The following URGCP variants were observed in gnomAD, a reference collection of about 807,000 sequenced individuals.
The protein encoded by URGCP is upregulator of cell proliferation.
In URGCP, 13 loss-of-function variants were observed where a neutral mutation model predicts 24.6. The ratio of observed to expected loss-of-function variants is 0.53; its 90% CI spans 0.34 to 0.84. The LOEUF (loss-of-function observed/expected upper bound fraction) is 0.84, where lower values mean the gene tolerates loss of function less well. Among genes scored for constraint, URGCP ranks in the 40% least tolerant of loss-of-function variants. The pLI, the probability that URGCP is intolerant of heterozygous loss-of-function variation, is 0.01. For synonymous variants in URGCP, 444 were observed against 487.2 expected (o/e 0.91, Z 1.17); for missense variants, 899 against 1,194.3 (o/e 0.75, Z 3.64).
rs2095846000 is a variant in URGCP, at chr7:43,877,184, G to GCCCCACCTATCAAGC, written c.2264_2278dup (p.Gly755_Gly759dup). The GCCCCACCTATCAAGC allele has an allele frequency of 6.2e-7, 1 of 1,614,156 alleles. No individual in the cohort carries two copies. The highest frequency in any genetic ancestry group is 1.1e-5 in the South Asian group (1 of 91,090). On this transcript the variant is annotated inframe_insertion, in exon 6 of 6. Transcript: ENST00000453200. ...AAATCTGTCCCCAGCTGACGTCAAG[G>GCCCCACCTATCAAGC]CCCCACCTATCAAGCCCCCGGAGTC...
chr7:43,910,846 A>G (rs1036586051), upstream of URGCP: 2 of 152,020 alleles, frequency 1.3e-5, no homozygotes, highest in African/African-American at 4.8e-5. Context: ...ACACAGCAAG[A>G]CTCTTTCTCA....
upstream of URGCP, chr7:43,926,600 T>C (rs761062910): frequency 6.5e-7 from 1 of 1,540,996 alleles, no homozygotes; most frequent in African/African-American, 1.4e-5. Flanking sequence ...GTCCGAAGCG[T>C]CGAGGTGTGG....
chr7:43,911,993 G>A (rs1214632114), intron 1 of URGCP, among the ~76,000 whole-genome samples: 1 of 151,440 alleles, frequency 6.6e-6, no homozygotes, highest in African/African-American at 2.4e-5. Flanking sequence ...AAAAACACAG[G>A]AAATTAGAAA....
intron 1 of URGCP, among the ~76,000 whole-genome samples, chr7:43,912,891 C>T (rs2095911488): frequency 6.6e-6 from 1 of 151,926 alleles, no homozygotes; most frequent in African/African-American, 2.4e-5. Flanking sequence ...CACTCTGTTG[C>T]CCAGGCTGGA....
In URGCP at chr7:43,877,846, C is replaced by T. The variant is rs753717943; in HGVS notation, c.1617G>A (p.Gln539=). 1.9e-6 allele frequency: 3 copies of T among 1,611,320 alleles called. No homozygotes were observed. The highest frequency in any genetic ancestry group is 2.7e-5 in the African/African-American group (2 of 74,876). The change falls in exon 6 of 6, where the codon CAG becomes CAA. Residue 539 remains glutamine, a synonymous_variant. Transcript: ENST00000453200. The part of the protein sequence containing the change: ...RRRLLELRMQ[Q]NGHDPSSGVQ... ...CCCCCGAGGAGGGATCATGGCCGTTCTGCTGCATTCGAAGTTCTAGCAGCC... is the reference window on the plus strand; with the variant it reads ...CCCCCGAGGAGGGATCATGGCCGTTTTGCTGCATTCGAAGTTCTAGCAGCC...
At chr7:43,901,581 G>C (rs1474941987) in intron 1 of URGCP, among the ~76,000 whole-genome samples, 1 of 152,188 alleles carries the variant, frequency 6.6e-6, no homozygotes, top group African/African-American at 2.4e-5. Flanking sequence ...GCAAGATAAG[G>C]GTCCTGCTGG....
intron 3 of URGCP, among the ~76,000 whole-genome samples, chr7:43,883,145 A>C (rs2095856465): frequency 6.6e-6 from 1 of 151,860 alleles, no homozygotes; most frequent in Non-Finnish European, 1.5e-5. Context: ...AGTGCTAGTC[A>C]GATATTTATG....
chr7:43,899,531 T>G (rs2095885810), intron 1 of URGCP, among the ~76,000 whole-genome samples: 1 of 151,950 alleles, frequency 6.6e-6, no homozygotes, highest in Non-Finnish European at 1.5e-5. Flanking sequence ...CAGGAAAATT[T>G]TGAAAAAGAA....
At chr7:43,909,686 C>T (rs2132721217), upstream of URGCP, among the ~76,000 whole-genome samples, 1 of 151,214 alleles carries the variant, frequency 6.6e-6, no homozygotes, top group South Asian at 2.1e-4. Flanking sequence ...AGCCACTGCA[C>T]TCTAGCCTGG....
chr7:43,877,298 C>A lies in URGCP; in HGVS notation c.2165G>T (p.Ser722Ile), dbSNP rs760762580. ...CATGAAGGCCCCTCGAGGACCGCAG[C>A]TCTTCCCTGTGGCAAACCGCAGCCC... ...MFGLRFATGKSCGPRGAFMQL... is the reference protein window; with the variant it reads ...MFGLRFATGKICGPRGAFMQL... The change falls in exon 6 of 6, where the codon AGC (serine) becomes ATC (isoleucine). Residue 722 changes from serine to isoleucine, a missense_variant. Ser to Ile is a moderately radical substitution (Grantham distance 142). Transcript: ENST00000453200. 1 of 1,613,554 alleles carries A rather than the reference C, an allele frequency of 6.2e-7. No individual in the cohort carries two copies. Among genetic ancestry groups the A allele is most frequent in the Non-Finnish European group, 8.5e-7 (1 of 1,180,040 alleles).
At chr7:43,916,088 C>A (rs1384566444) in intron 1 of URGCP, among the ~76,000 whole-genome samples, 3 of 152,134 alleles carry the variant, frequency 2.0e-5, no homozygotes, top group Non-Finnish European at 2.9e-5. Context: ...GCATCTTTTT[C>A]TTTTCTCCAT....
Position 43,878,229 on chromosome 7 carries a change from G to C in URGCP, c.1234C>G (p.His412Asp). 6.2e-7 allele frequency: 1 copy of C among 1,614,176 alleles called. No homozygotes were observed. The highest frequency in any genetic ancestry group is 8.5e-7 in the Non-Finnish European group (1 of 1,180,040). The change falls in exon 6 of 6, where the codon CAC becomes GAC. Residue 412 changes from histidine to aspartate, a missense_variant. By Grantham distance (81) the His-to-Asp change is moderately conservative. Transcript: ENST00000453200. The surrounding 1 kb of genome is among the most constrained non-coding windows in gnomAD (Gnocchi z 5.6). The stretch of plus-strand genomic sequence containing the variant: ...CTGACCTTTACCAGGACATGTGAGT[G>C]GTCTATTTTCAGCACAGGAATTAAC... ...NKLIPVLKIDHSHVLVKVSST... is the reference protein window; with the variant it reads ...NKLIPVLKIDDSHVLVKVSST...
chr7:43,886,734 TA>T (rs1394667017), intron 3 of URGCP, among the ~76,000 whole-genome samples: 1 of 151,852 alleles, frequency 6.6e-6, no homozygotes, highest in Non-Finnish European at 1.5e-5. Flanking sequence ...GCCTGGGCAA[TA>T]AAGGCGAAAC....
chr7:43,915,512 C>G (rs1356289448), intron 1 of URGCP, among the ~76,000 whole-genome samples: 1 of 152,142 alleles, frequency 6.6e-6, no homozygotes, highest in Admixed American at 6.6e-5. Flanking sequence ...GGTATTCCAC[C>G]CCCACCTCAA....
rs757145858 is a variant in URGCP at position 43,878,877 on chromosome 7, T to G, written c.586A>C (p.Ser196Arg). 1.2e-6 allele frequency: 2 copies of G among 1,614,212 alleles called. No homozygotes were observed. Among genetic ancestry groups the G allele is most frequent in the South Asian group, 2.2e-5 (2 of 91,086 alleles). ...LLCALLLSSDSFLQQEIALKM... is the reference protein window; with the variant it reads ...LLCALLLSSDRFLQQEIALKM... ...AACGCTATTTCTTGTTGCAGGAAAC[T>G]GTCTGAGGAGAGCAGCAGGGCACAG... The change falls in exon 6 of 6, where the codon AGT becomes CGT. Residue 196 changes from serine (S) to arginine (R), a missense_variant. Ser to Arg is a moderately radical substitution (Grantham distance 110). Coordinates refer to ENST00000453200, the MANE Select transcript of URGCP (RefSeq NM_001077663.3). The surrounding 1 kb of genome is among the most constrained non-coding windows in gnomAD (Gnocchi z 5.6).
chr7:43,912,164 C>T (rs894976418), intron 1 of URGCP, among the ~76,000 whole-genome samples: 147 of 152,184 alleles, frequency 9.7e-4, no homozygotes, highest in African/African-American at 3.2e-3. Context: ...GAAGAGCAAA[C>T]TATATCCAAA....
At chr7:43,902,497 T>G (rs2095893096) in intron 1 of URGCP, among the ~76,000 whole-genome samples, 1 of 152,178 alleles carries the variant, frequency 6.6e-6, no homozygotes, top group African/African-American at 2.4e-5. Flanking sequence ...CCATATTTTC[T>G]GAAACAAAGC....
intron 1 of URGCP, among the ~76,000 whole-genome samples, chr7:43,905,218 C>A (rs930147108): frequency 1.3e-5 from 2 of 150,998 alleles, no homozygotes; most frequent in Admixed American, 1.3e-4. Context: ...TTTAAAGCTT[C>A]GTTCAGGGCA....
At chr7:43,888,319 TG>T (rs2095865137) in intron 1 of URGCP, 1 of 152,292 alleles carries the variant, frequency 6.6e-6, no homozygotes, top group Non-Finnish European at 1.5e-5. Flanking sequence ...CTGGCCAACA[TG>T]GTGAAACCCT....
Sources: gnomAD v4.1 joint callset for allele counts (sites outside exome capture counted in the v4.1 genomes callset) on GRCh38, gnomAD v4.1.1 for gene constraint, Gnocchi (gnomAD v3.1) non-coding constraint, MANE v1.5 for transcripts, NCBI Gene and HGNC (gene_info 2026-07-23, HGNC 2026-07-21) for gene names.